NEMP2: variants seen among roughly 807,000 people sequenced by gnomAD.
The protein encoded by NEMP2 is nuclear envelope integral membrane protein 2.
A neutral mutation model predicts 54.2 loss-of-function variants in NEMP2; 53 were observed. That is an observed-to-expected ratio of 0.98 (90% CI 0.78 to 1.23). The LOEUF is 1.23. NEMP2 is among the 50% of genes most tolerant of loss of function. The probability of loss-of-function intolerance (pLI) is 0.00; values close to 1 mark genes in which losing one functional copy is unlikely to be tolerated. For missense variants in NEMP2, 455 were observed against 511.3 expected (o/e 0.89, Z 1.06); for synonymous variants, 197 against 190.3 (o/e 1.04, Z -0.29).
intron 1 of NEMP2, among the ~76,000 whole-genome samples, chr2:190,526,049 G>A (rs1690923247): frequency 6.6e-6 from 1 of 152,098 alleles, no homozygotes; most frequent in South Asian, 2.1e-4. Context: ...ACAGGGTTAA[G>A]GCACTAACAA....
the NEMP2 span, among the ~76,000 whole-genome samples, chr2:190,426,807 T>A: frequency 6.6e-6 from 1 of 151,048 alleles, no homozygotes; most frequent in Non-Finnish European, 1.5e-5. The surrounding 1 kb of genome is among the most constrained non-coding windows in gnomAD (Gnocchi z 4.7). Flanking sequence ...AGCAAGATGT[T>A]TTGGGTATTA....
At chr2:190,644,059 C>T in the NEMP2 span, among the ~76,000 whole-genome samples, 1 of 152,068 alleles carries the variant, frequency 6.6e-6, no homozygotes, top group Non-Finnish European at 1.5e-5. This position sits in a 1 kb window ranked among gnomAD's most constrained non-coding sequence, Gnocchi z 4.4. Flanking sequence ...TCTCATTTGC[C>T]TCAATGGAAG....
chr2:190,584,961 AAG>A, the NEMP2 span, among the ~76,000 whole-genome samples: 377 of 134,080 alleles, frequency 2.8e-3, 3 homozygotes, highest in African/African-American at 0.01. The surrounding 1 kb of genome is among the most constrained non-coding windows in gnomAD (Gnocchi z 4.2). Context: ...GAAAGAAAGA[AAG>A]AGACATAATG....
rs58253207 is a variant in NEMP2 at position 190,529,093 on chromosome 2, G to A, written c.98-3715C>T. 0.14 allele frequency among the ~76,000 whole-genome samples: 21,368 copies of A among 151,998 alleles called. 1,808 individuals are homozygous for A. The highest frequency in any genetic ancestry group is 0.22 in the Middle Eastern group (64 of 294). On this transcript the variant is annotated intron_variant, in intron 1 of 8. Transcript: ENST00000409150. This position sits in a 1 kb window ranked among gnomAD's most constrained non-coding sequence, Gnocchi z 4.7. ...TACAATGGCTCATGCCTGTAATTTC[G>A]CTTGAACCTGGGAGGCGAGGTTGCA...
the NEMP2 span, among the ~76,000 whole-genome samples, chr2:190,471,419 G>A: frequency 2.6e-5 from 4 of 152,192 alleles, no homozygotes; most frequent in African/African-American, 2.4e-5. This position sits in a 1 kb window ranked among gnomAD's most constrained non-coding sequence, Gnocchi z 4.7. Context: ...AACAGTCTTA[G>A]CAAACGGCAC....
the NEMP2 span, among the ~76,000 whole-genome samples, chr2:190,465,563 AT>A: frequency 6.6e-6 from 1 of 152,202 alleles, no homozygotes; most frequent in South Asian, 2.1e-4. This position sits in a 1 kb window ranked among gnomAD's most constrained non-coding sequence, Gnocchi z 4.6. Flanking sequence ...ATAAAAAAGA[AT>A]TTGATTGTCT....
chr2:190,497,488 T>G, the NEMP2 span: 1 of 1,614,194 alleles, frequency 6.2e-7, no homozygotes, highest in Non-Finnish European at 8.5e-7. This position sits in a 1 kb window ranked among gnomAD's most constrained non-coding sequence, Gnocchi z 5.2. Flanking sequence ...GTCCCGTTCC[T>G]ATAGCAACCA....
In NEMP2 at chr2:190,504,884, T is replaced by C. The variant is rs1286752855; in HGVS notation, c.*4305A>G. ...CTGCTGGTATGTGACAACATAGAAA[T>C]TAGACATTTCAAAATATGTATGGCA... On this transcript the variant is annotated 3_prime_UTR_variant, in exon 9 of 9. Coordinates refer to ENST00000409150, the MANE Select transcript of NEMP2 (RefSeq NM_001142645.2). This position sits in a 1 kb window ranked among gnomAD's most constrained non-coding sequence, Gnocchi z 5.6. 1 of 152,226 alleles carries C rather than the reference T, an allele frequency of 6.6e-6. No homozygotes were observed. Among genetic ancestry groups the C allele is most frequent in the East Asian group, 1.9e-4 (1 of 5,198 alleles). The allele number at this position is 152,226 out of a possible 1,614,324, so 9.4% of individuals were successfully genotyped here.
chr2:190,539,202 G>A (rs1481820285), upstream of NEMP2, among the ~76,000 whole-genome samples: 1 of 152,144 alleles, frequency 6.6e-6, no homozygotes, highest in Non-Finnish European at 1.5e-5. This position sits in a 1 kb window ranked among gnomAD's most constrained non-coding sequence, Gnocchi z 4.1. Flanking sequence ...TTATTGAAGA[G>A]ACTCTCTTCT....
At chr2:190,471,262 G>A in the NEMP2 span, among the ~76,000 whole-genome samples, 86 of 152,308 alleles carry the variant, frequency 5.6e-4, no homozygotes, top group African/African-American at 1.8e-3. The surrounding 1 kb of genome is among the most constrained non-coding windows in gnomAD (Gnocchi z 4.7). Flanking sequence ...TGGGTGCAGC[G>A]CGGTGAGCGT....
chr2:190,556,021 C>T, the NEMP2 span, among the ~76,000 whole-genome samples: 2 of 152,142 alleles, frequency 1.3e-5, no homozygotes, highest in African/African-American at 4.8e-5. Context: ...AGAGACACAA[C>T]AAAAAAAGAA....
intron 6 of NEMP2, among the ~76,000 whole-genome samples, chr2:190,515,707 A>C (rs1343342263): frequency 2.6e-5 from 4 of 152,252 alleles, no homozygotes; most frequent in African/African-American, 9.6e-5. Flanking sequence ...TATGTGAGAA[A>C]TTTGGTGCTA....
At position 190,528,589 on chromosome 2, in the gene NEMP2, T is replaced by G. The variant is rs1197967802; in HGVS notation, c.98-3211A>C. Among the ~76,000 whole-genome samples, 1 of 152,202 alleles carries G rather than the reference T, an allele frequency of 6.6e-6. No homozygotes were observed. Among genetic ancestry groups the G allele is most frequent in the Non-Finnish European group, 1.5e-5 (1 of 68,026 alleles). On this transcript the variant is annotated intron_variant, in intron 1 of 8. Coordinates refer to ENST00000409150, the MANE Select transcript of NEMP2 (RefSeq NM_001142645.2). The surrounding 1 kb of genome is among the most constrained non-coding windows in gnomAD (Gnocchi z 4.3). Reference sequence around the variant, plus strand: ...CAGACAGGTCTTTCTTCACCACCCATGTGCTCAATGCTAGATGGGCTTTTC... The same window carrying G: ...CAGACAGGTCTTTCTTCACCACCCAGGTGCTCAATGCTAGATGGGCTTTTC...
chr2:190,431,368 G>A, the NEMP2 span, among the ~76,000 whole-genome samples: 1 of 152,228 alleles, frequency 6.6e-6, no homozygotes, highest in Non-Finnish European at 1.5e-5. The surrounding 1 kb of genome is among the most constrained non-coding windows in gnomAD (Gnocchi z 4.4). Context: ...GGGAGGTGGA[G>A]GTTGTAGCGA....
chr2:190,574,716 C>G, the NEMP2 span, among the ~76,000 whole-genome samples: 147 of 151,284 alleles, frequency 9.7e-4, 1 homozygote, highest in African/African-American at 3.5e-3. Flanking sequence ...TTTTCTTTCT[C>G]TTTCTTTCTT....
chr2:190,535,851 C>G (rs934393332), upstream of NEMP2: 2 of 141,392 alleles, frequency 1.4e-5, no homozygotes, highest in Non-Finnish European at 1.6e-5. Flanking sequence ...AACAGCAGAG[C>G]CCTGATCCAA....
rs1470904036 is a variant in NEMP2, at chr2:190,510,577, C to A, written c.954-40G>T. 1 of 1,548,280 alleles carries A rather than the reference C, an allele frequency of 6.5e-7. No individual in the cohort carries two copies. Among genetic ancestry groups the A allele is most frequent in the Non-Finnish European group, 8.7e-7 (1 of 1,144,380 alleles). On this transcript the variant is annotated intron_variant, in intron 7 of 8. Transcript: ENST00000409150. This position sits in a 1 kb window ranked among gnomAD's most constrained non-coding sequence, Gnocchi z 5.7. ...GTGGTTGCAGGATTACTTCCTAATT[C>A]AATCCTTAAGATTTACAAAAATAGG...
chr2:190,463,857 G>T, the NEMP2 span: 1 of 979,974 alleles, frequency 1.0e-6, no homozygotes, highest in Non-Finnish European at 1.2e-6. This position sits in a 1 kb window ranked among gnomAD's most constrained non-coding sequence, Gnocchi z 4.4. Flanking sequence ...ATAAAAAGCT[G>T]AGAATGATGG....
At chr2:190,430,273 T>G in the NEMP2 span, among the ~76,000 whole-genome samples, 2 of 149,646 alleles carry the variant, frequency 1.3e-5, no homozygotes, top group African/African-American at 4.9e-5. Flanking sequence ...GGCAGGGTCA[T>G]AGGATAGTAG....
Sources: gnomAD v4.1 joint callset for allele counts (sites outside exome capture counted in the v4.1 genomes callset) on GRCh38, gnomAD v4.1.1 for gene constraint, Gnocchi (gnomAD v3.1) non-coding constraint, MANE v1.5 for transcripts, NCBI Gene and HGNC (gene_info 2026-07-23, HGNC 2026-07-21) for gene names.